The following FANCC variants were observed in gnomAD, a reference collection of about 807,000 sequenced individuals.
The protein encoded by FANCC is Fanconi anemia group C protein.
FANCC carries 55 observed loss-of-function variants against 71.3 expected under a neutral mutation model. The ratio of observed to expected loss-of-function variants is 0.77; its 90% confidence interval spans 0.62 to 0.97. The LOEUF (loss-of-function observed/expected upper bound fraction) is 0.97. Ranked by LOEUF, FANCC falls within the 50% of genes least tolerant of loss-of-function variation. The pLI is 0.00. For synonymous variants in FANCC, 275 were observed against 244.9 expected (o/e 1.12, Z -1.15); for missense variants, 678 against 670.9 (o/e 1.01, Z -0.12).
chr9:95,294,603 A>G, intron 1 of FANCC: 1 of 1,558,376 alleles, frequency 6.4e-7, no homozygotes, highest in Admixed American at 1.7e-5. Context: ...CTGCTCTAGA[A>G]AGCAAAGTTC....
rs933303469 is a variant in FANCC, at chr9:95,149,866, C to G, written c.686+57G>C. On this transcript the variant is annotated intron_variant, in intron 7 of 14. Transcript: ENST00000289081. ...GTCGTACAGTCTTTCCAACACACCACAGCCTTCTAAGAAAAGGAAAAACGA... is the reference window on the plus strand; with the variant it reads ...GTCGTACAGTCTTTCCAACACACCAGAGCCTTCTAAGAAAAGGAAAAACGA... The G allele has an allele frequency of 1.0e-5, 16 of 1,541,908 alleles. No homozygotes were observed. In the African/African-American group the frequency reaches 2.0e-4, roughly 20 times the overall value.
intron 1 of FANCC, among the ~76,000 whole-genome samples, chr9:95,265,365 C>A (rs1832321936): frequency 6.6e-6 from 1 of 152,142 alleles, no homozygotes; most frequent in Non-Finnish European, 1.5e-5. Flanking sequence ...CCACCCAAGA[C>A]CTCAGCAATG....
intron 6 of FANCC, among the ~76,000 whole-genome samples, chr9:95,152,449 A>G (rs1200621772): frequency 1.3e-5 from 2 of 152,244 alleles, no homozygotes; most frequent in African/African-American, 4.8e-5. Context: ...GATGAAAAGC[A>G]AAAGCAAAGG....
intron 6 of FANCC, among the ~76,000 whole-genome samples, chr9:95,163,422 T>C (rs2135530036): frequency 6.6e-6 from 1 of 152,338 alleles, no homozygotes; most frequent in African/African-American, 2.4e-5. Context: ...TTGGGGTACT[T>C]TGAGATTCTA....
At chr9:95,277,994 T>C (rs189843257) in intron 1 of FANCC, among the ~76,000 whole-genome samples, 1 of 152,226 alleles carries the variant, frequency 6.6e-6, no homozygotes, top group Non-Finnish European at 1.5e-5. Flanking sequence ...TTCTCTCTTA[T>C]TCTCATAACT....
chr9:95,130,481 T>C (rs1826727299), intron 8 of FANCC, among the ~76,000 whole-genome samples: 1 of 152,238 alleles, frequency 6.6e-6, no homozygotes. Flanking sequence ...TCACCTTTCA[T>C]AGATATATTC....
chr9:95,210,292 A>T (rs1657977333), intron 4 of FANCC, among the ~76,000 whole-genome samples: 1 of 152,192 alleles, frequency 6.6e-6, no homozygotes, highest in Admixed American at 6.5e-5. Flanking sequence ...TATCAGTAAC[A>T]TTCTATTCCT....
chr9:95,294,385 G>C (rs1588430684), intron 1 of FANCC: 1 of 1,598,804 alleles, frequency 6.3e-7, no homozygotes, highest in Admixed American at 1.7e-5. Context: ...AGATACCTCT[G>C]CTCAGTCCTA....
intron 1 of FANCC, chr9:95,292,465 G>A: frequency 7.7e-7 from 1 of 1,303,370 alleles, no homozygotes; most frequent in South Asian, 2.1e-5. Flanking sequence ...CCGGGACCCC[G>A]ACTGAGGGGC....
chr9:95,129,065 G>T (rs2135033189), intron 8 of FANCC, among the ~76,000 whole-genome samples: 1 of 152,032 alleles, frequency 6.6e-6, no homozygotes, highest in Middle Eastern at 3.4e-3. Flanking sequence ...ACCACACCTG[G>T]CTAATTTTTG....
chr9:95,262,510 G>A (rs1045663032), intron 1 of FANCC, among the ~76,000 whole-genome samples: 5 of 152,138 alleles, frequency 3.3e-5, no homozygotes, highest in East Asian at 3.9e-4. Context: ...CAGAACTCTC[G>A]TGCACTGCTG....
chr9:95,138,723 G>T (rs1389737481), intron 7 of FANCC, among the ~76,000 whole-genome samples: 1 of 152,202 alleles, frequency 6.6e-6, no homozygotes, highest in Non-Finnish European at 1.5e-5. Flanking sequence ...GTGGTGGTGG[G>T]GAAGCTGCTG....
rs192597436 is a variant in FANCC, at chr9:95,125,230, C to T, written c.897-45G>A. On this transcript the variant is annotated intron_variant, in intron 9 of 14. Transcript: ENST00000289081. ...ATCAGAACACGTTTAACAAGTAATCCGGCAAACATGAAAACCTGCACTGTA... is the reference window on the plus strand; with the variant it reads ...ATCAGAACACGTTTAACAAGTAATCTGGCAAACATGAAAACCTGCACTGTA... The T allele has an allele frequency of 7.2e-5, 110 of 1,518,164 alleles. No individual in the cohort carries two copies. The African/African-American group carries it at 1.2e-3, about 17-fold the overall frequency. 94.0% of individuals were successfully genotyped at this position (1,518,164 alleles called of 1,614,324 possible).
chr9:95,231,607 C>T (rs1452197742), intron 4 of FANCC, among the ~76,000 whole-genome samples: 1 of 152,296 alleles, frequency 6.6e-6, no homozygotes, highest in East Asian at 1.9e-4. Flanking sequence ...CCTGAATTTT[C>T]ATGGCCATGG....
intron 7 of FANCC, among the ~76,000 whole-genome samples, chr9:95,140,925 TG>T (rs1241500670): frequency 6.6e-6 from 1 of 152,088 alleles, no homozygotes; most frequent in Non-Finnish European, 1.5e-5. Flanking sequence ...CCAGAATGTC[TG>T]GCAATTACAC....
intron 1 of FANCC, among the ~76,000 whole-genome samples, chr9:95,298,418 T>C (rs1207706030): frequency 3.3e-5 from 5 of 151,920 alleles, no homozygotes. Flanking sequence ...CAATAGGCAG[T>C]GGGTATGTGA....
intron 4 of FANCC, among the ~76,000 whole-genome samples, chr9:95,206,289 T>C (rs1828117505): frequency 6.6e-6 from 1 of 152,186 alleles, no homozygotes; most frequent in African/African-American, 2.4e-5. Context: ...GCAACGGGAC[T>C]GGCCTGCCTG....
intron 1 of FANCC, among the ~76,000 whole-genome samples, chr9:95,284,584 T>C (rs1374662972): frequency 6.6e-6 from 1 of 152,164 alleles, no homozygotes; most frequent in African/African-American, 2.4e-5. Flanking sequence ...TTCAGCCTCT[T>C]TTTATGTGCA....
intron 5 of FANCC, among the ~76,000 whole-genome samples, chr9:95,171,792 T>A (rs887428514): frequency 6.6e-6 from 1 of 152,208 alleles, no homozygotes; most frequent in African/African-American, 2.4e-5. Flanking sequence ...ATAAGTGAGA[T>A]GTGTCCCTAG....
Sources: allele counts gnomAD v4.1 joint callset (sites outside exome capture counted in the v4.1 genomes callset), GRCh38; gene constraint gnomAD v4.1.1; transcripts MANE v1.5; gene names NCBI Gene and HGNC (gene_info 2026-07-23, HGNC 2026-07-21).